Variants in THSD7B observed in about 807,000 individuals in gnomAD.
THSD7B encodes thrombospondin type-1 domain-containing protein 7B.
A neutral mutation model predicts 213.6 loss-of-function variants in THSD7B; 138 were observed. That is an observed-to-expected ratio of 0.65 (90% confidence interval 0.56 to 0.74). THSD7B has a LOEUF of 0.74. Ranked by LOEUF, THSD7B falls within the 30% of genes least tolerant of loss-of-function variation. THSD7B has a pLI of 0.00. For synonymous variants in THSD7B, 742 were observed against 687.0 expected, an observed-to-expected ratio of 1.08 and a Z score of -1.25; for missense variants, 1,931 against 1,991.5, an observed-to-expected ratio of 0.97 and a Z score of 0.58.
chr2:137,506,866 T>C (rs1679849430), intron 15 of THSD7B, among the ~76,000 whole-genome samples: 1 of 151,820 alleles, frequency 6.6e-6, no homozygotes, highest in South Asian at 2.1e-4. Flanking sequence ...CAGAAAGGAG[T>C]CCTGCACAGT....
intron 25 of THSD7B, 90 bp downstream of exon 25, chr2:137,659,836 G>A: frequency 7.8e-7 from 1 of 1,280,956 alleles, no homozygotes; most frequent in Non-Finnish European, 1.1e-6. Flanking sequence ...TGCAGCCCAA[G>A]CAGCAGTTCC....
intron 24 of THSD7B, among the ~76,000 whole-genome samples, chr2:137,658,883 C>T (rs201475355): frequency 2.0e-5 from 3 of 152,152 alleles, no homozygotes; most frequent in African/African-American, 4.8e-5. Flanking sequence ...ACGCTAGAAC[C>T]TTTCAATGCA....
rs1383177394 is a variant in THSD7B at position 137,288,035 on chromosome 2, T to A, written c.2500+12009T>A. ...AACACTTAGATTCCTAAGGTCAGGG[T>A]ATTCACGTCTGTTTATGTCAGGTGC... On this transcript the variant is annotated intron_variant, in intron 12 of 27. Transcript: ENST00000409968. 2.0e-5 allele frequency among the ~76,000 whole-genome samples: 3 copies of A among 152,104 alleles called. No homozygotes were observed. In the East Asian group the frequency reaches 5.8e-4, roughly 29 times the overall value.
At chr2:137,123,531 G>T (rs1437081834) in intron 5 of THSD7B, among the ~76,000 whole-genome samples, 1 of 152,118 alleles carries the variant, frequency 6.6e-6, no homozygotes, top group African/African-American at 2.4e-5. Context: ...TGTTGTTTCT[G>T]CACTGTCATT....
At chr2:137,671,927 G>A (rs1344276221) in intron 27 of THSD7B, among the ~76,000 whole-genome samples, 1 of 152,018 alleles carries the variant, frequency 6.6e-6, no homozygotes, top group East Asian at 1.9e-4. Flanking sequence ...TAAACAGTCT[G>A]GAATAACTTG....
chr2:137,664,587 T>C (rs1683413624), intron 26 of THSD7B, among the ~76,000 whole-genome samples: 1 of 152,208 alleles, frequency 6.6e-6, no homozygotes, highest in African/African-American at 2.4e-5. Flanking sequence ...CAGCATGAAA[T>C]GTCTCATTAC....
chr2:137,644,226 C>T (rs1041392205), intron 21 of THSD7B, among the ~76,000 whole-genome samples: 37 of 152,124 alleles, frequency 2.4e-4, no homozygotes, highest in African/African-American at 7.5e-4. Flanking sequence ...GAGTCCCGTT[C>T]GCTGACACTT....
At chr2:137,056,374 GAATGT>G in intron 2 of THSD7B, 41 bp from the exon 3 acceptor site, 1 of 1,551,284 alleles carries the variant, frequency 6.4e-7, no homozygotes, top group East Asian at 2.3e-5. Context: ...GTGAATTGCT[GAATGT>G]AATCTCTGAG....
intron 2 of THSD7B, among the ~76,000 whole-genome samples, chr2:136,980,628 G>T (rs1685559711): frequency 6.6e-6 from 1 of 152,122 alleles, no homozygotes; most frequent in Non-Finnish European, 1.5e-5. Flanking sequence ...ATTGATGGTG[G>T]TCACCCCTCC....
At chr2:137,662,055 C>CT (rs1286348423) in intron 25 of THSD7B, among the ~76,000 whole-genome samples, 1 of 142,274 alleles carries the variant, frequency 7.0e-6, no homozygotes, top group African/African-American at 2.7e-5. Context: ...CAGGTGTTTT[C>CT]TTTTTTCTTT....
intron 2 of THSD7B, among the ~76,000 whole-genome samples, chr2:136,933,769 C>T (rs1325126201): frequency 1.3e-5 from 2 of 152,118 alleles, no homozygotes; most frequent in Non-Finnish European, 2.9e-5. Flanking sequence ...CTACTATATT[C>T]TCTTTTCATA....
intron 24 of THSD7B, among the ~76,000 whole-genome samples, chr2:137,659,362 T>C (rs1357408581): frequency 6.6e-6 from 1 of 152,148 alleles, no homozygotes; most frequent in East Asian, 1.9e-4. Flanking sequence ...TTTTATCAAT[T>C]CTTCTACAGA....
At chr2:136,872,552 C>T (rs1683448551) in intron 1 of THSD7B, among the ~76,000 whole-genome samples, 1 of 151,370 alleles carries the variant, frequency 6.6e-6, no homozygotes, top group Admixed American at 6.6e-5. Context: ...TTTTTCTTTT[C>T]TTTTCCTTTT....
chr2:137,134,464 T>C (rs375584249), intron 5 of THSD7B, among the ~76,000 whole-genome samples: 15 of 152,258 alleles, frequency 9.9e-5, no homozygotes, highest in African/African-American at 2.4e-4. Flanking sequence ...TACAGTGGGA[T>C]GGCCCAAGTG....
intron 2 of THSD7B, among the ~76,000 whole-genome samples, chr2:137,025,121 CTA>C (rs1416814992): frequency 3.9e-5 from 6 of 152,202 alleles, no homozygotes; most frequent in African/African-American, 1.2e-4. Flanking sequence ...GAGTTAAAGT[CTA>C]CCCAGTCTTT....
chr2:137,227,902 C>G (rs1331324171), intron 7 of THSD7B, among the ~76,000 whole-genome samples: 1 of 151,934 alleles, frequency 6.6e-6, no homozygotes, highest in Non-Finnish European at 1.5e-5. Context: ...TTTAAGGTTC[C>G]CCTATATTGA....
At chr2:137,216,552 C>T (rs1681247413) in intron 7 of THSD7B, among the ~76,000 whole-genome samples, 1 of 152,046 alleles carries the variant, frequency 6.6e-6, no homozygotes, top group Non-Finnish European at 1.5e-5. Context: ...CCTGTCACTG[C>T]CTGGCAGTAA....
At chr2:137,571,786 T>C (rs1192846586) in intron 16 of THSD7B, among the ~76,000 whole-genome samples, 4 of 152,222 alleles carry the variant, frequency 2.6e-5, no homozygotes, top group African/African-American at 4.8e-5. Context: ...TGTGATTAAT[T>C]GCTGCATGAA....
intron 14 of THSD7B, among the ~76,000 whole-genome samples, chr2:137,437,615 A>C (rs554587051): frequency 6.6e-6 from 1 of 152,304 alleles, no homozygotes; most frequent in Admixed American, 6.5e-5. Flanking sequence ...GTCATTTCAA[A>C]GAGCTTGGAC....
Sources: allele counts gnomAD v4.1 joint callset (sites outside exome capture counted in the v4.1 genomes callset), GRCh38; gene constraint gnomAD v4.1.1; transcripts MANE v1.5; gene names NCBI Gene and HGNC (gene_info 2026-07-23, HGNC 2026-07-21).